The following KPLCE variants were observed in gnomAD, a reference collection of about 807,000 sequenced individuals.
KPLCE encodes KPRP N-terminal and LCE C-terminal like protein.
the KPLCE span, chr1:152,719,697 A>T: frequency 6.4e-7 from 1 of 1,552,064 alleles, no homozygotes; most frequent in Non-Finnish European, 8.7e-7. Context: ...GTGAAGTACC[A>T]AGTTCCATGC....
the KPLCE span, chr1:152,719,606 G>T: frequency 6.4e-7 from 1 of 1,551,962 alleles, no homozygotes; most frequent in Non-Finnish European, 8.7e-7. Context: ...TAGCAATGGT[G>T]CCTCTGTGAA....
the KPLCE span, chr1:152,719,873 A>T: frequency 6.4e-7 from 1 of 1,552,168 alleles, no homozygotes; most frequent in South Asian, 1.2e-5. Flanking sequence ...TCCCTGCCAG[A>T]TGACCTACAT....
At chr1:152,719,948 T>C in the KPLCE span, 2 of 1,552,048 alleles carry the variant, frequency 1.3e-6, no homozygotes, top group Non-Finnish European at 1.7e-6. Context: ...TTGCCAGAGC[T>C]ATTATGTTCA....
chr1:152,719,729 T>C, the KPLCE span: 9 of 1,551,940 alleles, frequency 5.8e-6, no homozygotes, highest in South Asian at 9.5e-5. Context: ...CTACGTGAAG[T>C]GCCCAGCTCC....
the KPLCE span, chr1:152,720,311 C>T: frequency 6.8e-7 from 1 of 1,463,790 alleles, no homozygotes; most frequent in East Asian, 2.5e-5. Flanking sequence ...CACTGCCCCG[C>T]TACCCCTTCT....
the KPLCE span, chr1:152,719,722 C>T: frequency 1.1e-4 from 163 of 1,552,180 alleles, 2 homozygotes; most frequent in South Asian, 1.9e-4. Context: ...CTCAAACCTA[C>T]GTGAAGTGCC....
At chr1:152,720,007 C>A in the KPLCE span, 2 of 1,551,816 alleles carry the variant, frequency 1.3e-6, no homozygotes, top group Non-Finnish European at 1.7e-6. Flanking sequence ...CTGACCCATG[C>A]TCTGCTCCCT....
chr1:152,719,923 C>T, the KPLCE span: 5 of 1,552,196 alleles, frequency 3.2e-6, no homozygotes, highest in Non-Finnish European at 4.4e-6. Flanking sequence ...CGTGCTATGT[C>T]CAGGGTGCTT....
the KPLCE span, chr1:152,719,594 G>T: frequency 6.4e-6 from 10 of 1,551,824 alleles, no homozygotes; most frequent in Middle Eastern, 1.7e-4. Flanking sequence ...GGCTGGGCAG[G>T]GTAGCAATGG....
the KPLCE span, chr1:152,719,749 G>A: frequency 6.4e-7 from 1 of 1,551,598 alleles, no homozygotes; most frequent in Non-Finnish European, 8.7e-7. Context: ...CCTGCCAGAG[G>A]ACCTATGTGA....
At chr1:152,719,594 G>A in the KPLCE span, 31 of 1,551,706 alleles carry the variant, frequency 2.0e-5, 1 homozygote, top group African/African-American at 2.9e-4. Flanking sequence ...GGCTGGGCAG[G>A]GTAGCAATGG....
chr1:152,719,982 C>A, the KPLCE span: 2 of 1,551,854 alleles, frequency 1.3e-6, no homozygotes, highest in Non-Finnish European at 1.7e-6. Context: ...GGCTCAACCT[C>A]CCAGTACTGT....
the KPLCE span, chr1:152,719,889 G>A: frequency 6.4e-7 from 1 of 1,552,228 alleles, no homozygotes; most frequent in Non-Finnish European, 8.7e-7. Context: ...TACATCAAAA[G>A]TCCAGCTCCC....
the KPLCE span, chr1:152,719,634 A>C: frequency 6.4e-7 from 1 of 1,552,076 alleles, no homozygotes; most frequent in Non-Finnish European, 8.7e-7. Context: ...GTTCCATGCC[A>C]GACCCAAACT....
chr1:152,719,811 C>A, the KPLCE span: 3 of 1,551,278 alleles, frequency 1.9e-6, no homozygotes, highest in East Asian at 7.3e-5. Flanking sequence ...CCCTGCCAGA[C>A]AACCTATGTA....
At chr1:152,719,681 A>G in the KPLCE span, 4 of 1,551,942 alleles carry the variant, frequency 2.6e-6, no homozygotes, top group Non-Finnish European at 3.5e-6. Flanking sequence ...CCCTACTCAA[A>G]CTTATGTGAA....
the KPLCE span, chr1:152,720,140 T>C: frequency 1.9e-6 from 3 of 1,551,464 alleles, no homozygotes; most frequent in Non-Finnish European, 1.7e-6. Context: ...TTCGGGAAGC[T>C]CTGGATGCTG....
At chr1:152,719,723 G>T in the KPLCE span, 1 of 1,552,038 alleles carries the variant, frequency 6.4e-7, no homozygotes, top group Non-Finnish European at 8.7e-7. Flanking sequence ...TCAAACCTAC[G>T]TGAAGTGCCC....
the KPLCE span, chr1:152,719,818 T>C: frequency 1.1e-5 from 17 of 1,550,258 alleles, no homozygotes; most frequent in African/African-American, 4.1e-5. Context: ...AGACAACCTA[T>C]GTAAAATGCC....
Sources: allele counts gnomAD v4.1 joint callset, GRCh38; gene constraint gnomAD v4.1.1; transcripts MANE v1.5; gene names NCBI Gene and HGNC (gene_info 2026-07-23, HGNC 2026-07-21).